GNAO1: variants seen among roughly 807,000 people sequenced by gnomAD.
The protein encoded by GNAO1 is G protein subunit alpha o1.
For missense variants in GNAO1, 166 were observed against 478.7 expected (o/e 0.35, Z 6.10); for synonymous variants, 164 against 180.7 (o/e 0.91, Z 0.74).
chr16:56,225,851 A>T (rs1163813023), intron 2 of GNAO1, among the ~76,000 whole-genome samples: 4 of 152,032 alleles, frequency 2.6e-5, no homozygotes, highest in Admixed American at 1.3e-4. Context: ...AGAATGTGAT[A>T]GAGGATAGTT....
chr16:56,280,756 G>A (rs1448844605), intron 3 of GNAO1, among the ~76,000 whole-genome samples: 1 of 152,160 alleles, frequency 6.6e-6, no homozygotes, highest in African/African-American at 2.4e-5. Context: ...GGAAAAGGAT[G>A]GGCACAAGGT....
chr16:56,242,722 A>G (rs2036705932), intron 2 of GNAO1, among the ~76,000 whole-genome samples: 1 of 152,264 alleles, frequency 6.6e-6, no homozygotes, highest in Non-Finnish European at 1.5e-5. Flanking sequence ...CATAGGGGTA[A>G]ATCTTCATGA....
intron 2 of GNAO1, among the ~76,000 whole-genome samples, chr16:56,217,210 AC>A (rs2036444061): frequency 6.6e-6 from 1 of 152,214 alleles, no homozygotes; most frequent in African/African-American, 2.4e-5. Flanking sequence ...GGTCCCTGTG[AC>A]ATGTTCTTGC....
At chr16:56,301,527 C>CGG (rs2037343618) in intron 3 of GNAO1, among the ~76,000 whole-genome samples, 2 of 152,198 alleles carry the variant, frequency 1.3e-5, no homozygotes, top group Non-Finnish European at 2.9e-5. Flanking sequence ...TGTTTGCCCT[C>CGG]TAAGCGCTTA....
intron 6 of GNAO1, chr16:56,343,841 T>C (rs1348390606): frequency 6.2e-7 from 1 of 1,613,882 alleles, no homozygotes; most frequent in Non-Finnish European, 8.5e-7. Flanking sequence ...CACAAAGAGA[T>C]CTACACCCAC....
chr16:56,344,598 A>G (rs1596878123), intron 6 of GNAO1: 57 of 985,878 alleles, frequency 5.8e-5, no homozygotes, highest in Non-Finnish European at 6.9e-5. Context: ...AGTTCTGGAA[A>G]TGCTTCTTGA....
chr16:56,229,471 G>C (rs1023325380), intron 2 of GNAO1, among the ~76,000 whole-genome samples: 1 of 152,162 alleles, frequency 6.6e-6, no homozygotes, highest in Non-Finnish European at 1.5e-5. Flanking sequence ...GCCTCCCAAA[G>C]TGCTGGGATT....
intron 2 of GNAO1, among the ~76,000 whole-genome samples, chr16:56,211,750 G>A (rs1401554938): frequency 1.3e-5 from 2 of 152,210 alleles, no homozygotes; most frequent in Non-Finnish European, 2.9e-5. Context: ...TATGGTCGCA[G>A]TGCTTCCCAG....
At chr16:56,228,618 A>G (rs1268313784) in intron 2 of GNAO1, among the ~76,000 whole-genome samples, 2 of 152,240 alleles carry the variant, frequency 1.3e-5, no homozygotes, top group African/African-American at 2.4e-5. Flanking sequence ...AGCCGGGACC[A>G]GGAGCTGTAA....
intron 3 of GNAO1, among the ~76,000 whole-genome samples, chr16:56,318,815 G>T (rs527546924): frequency 1.3e-5 from 2 of 152,272 alleles, no homozygotes; most frequent in East Asian, 3.9e-4. Flanking sequence ...TTTCATCTTT[G>T]CTTATAATAA....
At chr16:56,320,940 A>C (rs1227585884) in intron 3 of GNAO1, among the ~76,000 whole-genome samples, 1 of 152,202 alleles carries the variant, frequency 6.6e-6, no homozygotes, top group Non-Finnish European at 1.5e-5. Context: ...GACTGCCTTT[A>C]GTGTGCAGCA....
intron 3 of GNAO1, among the ~76,000 whole-genome samples, chr16:56,298,043 G>A (rs780989054): frequency 1.3e-5 from 2 of 151,988 alleles, no homozygotes; most frequent in Non-Finnish European, 2.9e-5. Flanking sequence ...ATGGTGGTGC[G>A]TGCCTGTGGT....
intron 2 of GNAO1, among the ~76,000 whole-genome samples, chr16:56,209,388 G>T (rs556693473): frequency 1.3e-5 from 2 of 152,258 alleles, no homozygotes; most frequent in South Asian, 4.1e-4. Context: ...TTGATATTTG[G>T]TTTAGCAAAT....
chr16:56,314,607 G>A (rs2037490242), intron 3 of GNAO1, among the ~76,000 whole-genome samples: 1 of 152,198 alleles, frequency 6.6e-6, no homozygotes, highest in South Asian at 2.1e-4. Flanking sequence ...TGGCATGCAT[G>A]GTGGTAGGGA....
At chr16:56,340,825 C>G (rs758179231) in intron 6 of GNAO1, 4 of 1,612,650 alleles carry the variant, frequency 2.5e-6, no homozygotes, top group African/African-American at 1.3e-5. Context: ...CCCCTCCACT[C>G]TGTTGCAGAA....
intron 2 of GNAO1, among the ~76,000 whole-genome samples, chr16:56,220,734 G>A (rs191096590): frequency 2.0e-5 from 3 of 151,514 alleles, no homozygotes; most frequent in Admixed American, 2.0e-4. Context: ...ATTAGCGTGG[G>A]TTTTTTGTTG....
intron 3 of GNAO1, among the ~76,000 whole-genome samples, chr16:56,300,036 T>TGTGTGTGTGTGTGTGTGTGCGCGCGC (rs753591618): frequency 5.3e-5 from 5 of 95,108 alleles, no homozygotes; most frequent in African/African-American, 2.4e-4. Context: ...TGTGTGTGTG[T>TGTGTGTGTGTGTGTGTGTGCGCGCGC]GCGCGCGCGC....
At chr16:56,306,719 G>T (rs189165589) in intron 3 of GNAO1, 1 of 152,378 alleles carries the variant, frequency 6.6e-6, no homozygotes, top group Admixed American at 6.5e-5. Flanking sequence ...TTTTAAAAGG[G>T]GGGACGGGGG....
intron 2 of GNAO1, among the ~76,000 whole-genome samples, chr16:56,275,166 C>T (rs1452824240): frequency 6.6e-6 from 1 of 152,210 alleles, no homozygotes; most frequent in Non-Finnish European, 1.5e-5. Flanking sequence ...TTCATTTGCT[C>T]TTTCTGGATT....
Sources: allele counts gnomAD v4.1 joint callset (sites outside exome capture counted in the v4.1 genomes callset), GRCh38; gene constraint gnomAD v4.1.1; transcripts MANE v1.5; gene names NCBI Gene and HGNC (gene_info 2026-07-23, HGNC 2026-07-21).